The following PTPRT variants were observed in gnomAD, a reference collection of about 807,000 sequenced individuals.
PTPRT encodes the protein protein tyrosine phosphatase receptor type T.
Under a neutral mutation model 176.8 loss-of-function variants are expected in PTPRT, and 56 were observed. The ratio of observed to expected loss-of-function variants is 0.32; its 90% CI spans 0.26 to 0.40. The LOEUF is 0.40. Ranked by LOEUF, PTPRT falls within the 10% of genes least tolerant of loss-of-function variation. The pLI, the probability that PTPRT is intolerant of heterozygous loss-of-function variation, is 1.00. For missense variants in PTPRT, 1,540 were observed against 1,908.2 expected (o/e 0.81, Z 3.60); for synonymous variants, 783 against 739.0 (o/e 1.06, Z -0.96).
intron 7 of PTPRT, among the ~76,000 whole-genome samples, chr20:42,644,273 T>C (rs1046207695): frequency 6.6e-6 from 1 of 152,054 alleles, no homozygotes; most frequent in African/African-American, 2.4e-5. Flanking sequence ...CTAATCCGCC[T>C]TACACTCCAA....
At chr20:42,055,246 CTT>C in the PTPRT span, among the ~76,000 whole-genome samples, 1 of 152,180 alleles carries the variant, frequency 6.6e-6, no homozygotes, top group African/African-American at 2.4e-5. Flanking sequence ...TTTCTTAAAT[CTT>C]TGGAAAGTTT....
At chr20:42,759,541 A>G (rs914542393) in intron 5 of PTPRT, among the ~76,000 whole-genome samples, 3 of 152,192 alleles carry the variant, frequency 2.0e-5, no homozygotes, top group African/African-American at 7.2e-5. Flanking sequence ...TTAGGATGTC[A>G]GGAAGATGGA....
intron 7 of PTPRT, among the ~76,000 whole-genome samples, chr20:42,544,440 C>T (rs2072637751): frequency 6.6e-6 from 1 of 152,162 alleles, no homozygotes; most frequent in Non-Finnish European, 1.5e-5. Flanking sequence ...GAGTTAGGAC[C>T]TTGCTTTGGA....
rs149449098 is a variant in PTPRT, at chr20:42,249,396, T to G, written c.2177-574A>C. Among the ~76,000 whole-genome samples, 702 of 152,302 alleles carry G rather than the reference T, an allele frequency of 4.6e-3. 9 individuals are homozygous for G. Among genetic ancestry groups the G allele is most frequent in the East Asian group, 0.034 (178 of 5,180 alleles). On this transcript the variant is annotated intron_variant, in intron 13 of 30. Transcript: ENST00000373187. ...AAAAAAACACTTAAATCTGATCAAT[T>G]CCATTTTTAGCATTTAATACTAATG...
At chr20:43,140,869 A>G (rs560990753) in intron 1 of PTPRT, among the ~76,000 whole-genome samples, 1 of 152,324 alleles carries the variant, frequency 6.6e-6, no homozygotes, top group South Asian at 2.1e-4. Flanking sequence ...TGCTCAGGAT[A>G]ACATTTCTGG....
At chr20:42,256,036 T>A (rs727336) in intron 13 of PTPRT, among the ~76,000 whole-genome samples, 1 of 152,004 alleles carries the variant, frequency 6.6e-6, no homozygotes, top group Admixed American at 6.6e-5. Context: ...TGGCTTTGTA[T>A]GTATCTGGCA....
rs144502159 is a variant in PTPRT at position 42,258,595 on chromosome 20, G to C, written c.2177-9773C>G. On this transcript the variant is annotated intron_variant, in intron 13 of 30. Transcript: ENST00000373187. ...TCTCCAATATTCTTTCTTTGATCTTGCTGTGACTAATTTTTTTAAATTGCT... is the reference window on the plus strand; with the variant it reads ...TCTCCAATATTCTTTCTTTGATCTTCCTGTGACTAATTTTTTTAAATTGCT... 2.6e-5 allele frequency among the ~76,000 whole-genome samples: 4 copies of C among 152,110 alleles called. No individual in the cohort carries two copies. In the East Asian group the frequency reaches 7.7e-4, roughly 29 times the overall value.
the PTPRT span, among the ~76,000 whole-genome samples, chr20:42,046,811 T>C: frequency 7.7e-6 from 1 of 130,718 alleles, no homozygotes; most frequent in Non-Finnish European, 1.8e-5. Flanking sequence ...GTCTGTGTGT[T>C]GTAGGGGGCA....
intron 9 of PTPRT, among the ~76,000 whole-genome samples, chr20:42,363,300 A>ATT (rs879370769): frequency 1.1e-3 from 34 of 30,558 alleles, no homozygotes; most frequent in Admixed American, 1.6e-3. Context: ...ATATATATAT[A>ATT]TTTTTTTTTT....
At chr20:43,089,251 G>A (rs899993340) in intron 1 of PTPRT, among the ~76,000 whole-genome samples, 1 of 152,156 alleles carries the variant, frequency 6.6e-6, no homozygotes, top group African/African-American at 2.4e-5. Context: ...CTGAGGGTGT[G>A]AACTCTTCAT....
At chr20:42,820,777 T>G (rs1173522142) in intron 2 of PTPRT, among the ~76,000 whole-genome samples, 1 of 152,140 alleles carries the variant, frequency 6.6e-6, no homozygotes, top group African/African-American at 2.4e-5. Flanking sequence ...CAGAGAATAC[T>G]ATAAAAACCT....
At chr20:42,069,374 A>T (rs1459718841), downstream of PTPRT, among the ~76,000 whole-genome samples, 1 of 151,522 alleles carries the variant, frequency 6.6e-6, no homozygotes, top group Non-Finnish European at 1.5e-5. Flanking sequence ...TGAGCAAGAG[A>T]TTTTTTTTTC....
intron 9 of PTPRT, among the ~76,000 whole-genome samples, chr20:42,445,676 G>A (rs999113): frequency 0.088 from 13,463 of 152,162 alleles, 1,125 homozygotes; most frequent in African/African-American, 0.21. Context: ...CTCTGGTTCC[G>A]GTTCTCTGCA....
intron 7 of PTPRT, among the ~76,000 whole-genome samples, chr20:42,517,122 C>G (rs1390335600): frequency 1.3e-5 from 2 of 151,958 alleles, no homozygotes; most frequent in Non-Finnish European, 2.9e-5. Context: ...TCCTTTTCCT[C>G]AAATGTTTGG....
At chr20:42,189,451 C>G (rs1990908597) in intron 16 of PTPRT, among the ~76,000 whole-genome samples, 1 of 152,142 alleles carries the variant, frequency 6.6e-6, no homozygotes, top group African/African-American at 2.4e-5. Context: ...GAGGCAGAGA[C>G]CATGTCTTAT....
intron 16 of PTPRT, among the ~76,000 whole-genome samples, chr20:42,181,292 G>A (rs1408808950): frequency 6.6e-6 from 1 of 152,166 alleles, no homozygotes; most frequent in Non-Finnish European, 1.5e-5. Context: ...GAGATCACAA[G>A]GGTAGGGGCA....
At chr20:42,635,792 G>C (rs979022669) in intron 7 of PTPRT, among the ~76,000 whole-genome samples, 1 of 152,116 alleles carries the variant, frequency 6.6e-6, no homozygotes, top group Non-Finnish European at 1.5e-5. Flanking sequence ...TCTAGGTCTA[G>C]TTGGTAGAAC....
intron 17 of PTPRT, among the ~76,000 whole-genome samples, chr20:42,156,557 T>G (rs1033843040): frequency 6.6e-6 from 1 of 152,238 alleles, no homozygotes; most frequent in African/African-American, 2.4e-5. Context: ...TGCCACCACA[T>G]GGAGACACTA....
chr20:42,702,803 C>T (rs755232039), intron 6 of PTPRT, among the ~76,000 whole-genome samples: 48 of 152,352 alleles, frequency 3.2e-4, no homozygotes, highest in Non-Finnish European at 4.7e-4. Flanking sequence ...AGAACCAGAT[C>T]TTCTTGATTC....
Sources: gnomAD v4.1 joint callset for allele counts (sites outside exome capture counted in the v4.1 genomes callset) on GRCh38, gnomAD v4.1.1 for gene constraint, MANE v1.5 for transcripts, NCBI Gene and HGNC (gene_info 2026-07-23, HGNC 2026-07-21) for gene names.